The following LPP variants were observed in gnomAD, a reference collection of about 807,000 sequenced individuals.
The protein encoded by LPP is lipoma-preferred partner.
A neutral mutation model predicts 60.4 loss-of-function variants in LPP; 38 were observed. The observed-to-expected ratio is 0.63, with a 90% confidence interval of 0.49 to 0.83. The LOEUF (loss-of-function observed/expected upper bound fraction) is 0.83. LPP is among the 40% of genes least tolerant of loss of function. The pLI is 0.00. For synonymous variants in LPP, 328 were observed against 290.8 expected (o/e 1.13, Z -1.30); for missense variants, 902 against 783.6 (o/e 1.15, Z -1.80).
At chr3:188,683,473 GT>G (rs1216318255) in intron 7 of LPP, among the ~76,000 whole-genome samples, 1 of 152,170 alleles carries the variant, frequency 6.6e-6, no homozygotes, top group African/African-American at 2.4e-5. Context: ...ACAACTGGAA[GT>G]TTCTATTTGC....
At chr3:188,219,227 A>G (rs1197068058) in intron 1 of LPP, among the ~76,000 whole-genome samples, 1 of 152,208 alleles carries the variant, frequency 6.6e-6, no homozygotes, top group Non-Finnish European at 1.5e-5. Context: ...CCCTTGATAA[A>G]AGGAAGTAAG....
chr3:188,715,376 C>CAAAAAAAAAA (rs35761284), intron 8 of LPP, among the ~76,000 whole-genome samples: 4 of 63,682 alleles, frequency 6.3e-5, no homozygotes, highest in Non-Finnish European at 9.5e-5. Context: ...GACTCCGTCT[C>CAAAAAAAAAA]AAAAAAAAAA....
At chr3:188,660,183 G>C (rs138127713) in intron 7 of LPP, among the ~76,000 whole-genome samples, 169 of 152,208 alleles carry the variant, frequency 1.1e-3, no homozygotes, top group African/African-American at 3.9e-3. Flanking sequence ...TGGTTCTCCT[G>C]ATGTGTGAAA....
chr3:188,737,156 T>C (rs1237834245), intron 8 of LPP, among the ~76,000 whole-genome samples: 1 of 152,180 alleles, frequency 6.6e-6, no homozygotes, highest in Non-Finnish European at 1.5e-5. Flanking sequence ...ACATGTGTTA[T>C]TTTCATAAGT....
chr3:188,499,534 G>A (rs1160777477), intron 5 of LPP, among the ~76,000 whole-genome samples: 1 of 152,110 alleles, frequency 6.6e-6, no homozygotes, highest in Non-Finnish European at 1.5e-5. Context: ...TTTGAAATCA[G>A]GAAGTGTCGG....
At position 188,582,670 on chromosome 3, in the gene LPP, G is replaced by A. The variant is rs543494764; in HGVS notation, c.430-26491G>A. 1.5e-4 allele frequency among the ~76,000 whole-genome samples: 23 copies of A among 152,104 alleles called. 1 individual carries two copies. The South Asian group carries it at 2.7e-3, about 18-fold the overall frequency. ...ATTCAATTGTTTCTAACTGCTTATC[G>A]CTCAGGTGCATTTGGATGTATTGCA... On this transcript the variant is annotated intron_variant, in intron 6 of 11. Coordinates refer to ENST00000617246, the MANE Select transcript of LPP (RefSeq NM_001375462.1).
chr3:188,476,885 G>T (rs867394651), intron 4 of LPP, among the ~76,000 whole-genome samples: 1 of 152,172 alleles, frequency 6.6e-6, no homozygotes, highest in African/African-American at 2.4e-5. Flanking sequence ...GTGCTATTTT[G>T]ATGACAATGA....
At chr3:188,626,355 G>C (rs1338233779) in intron 7 of LPP, among the ~76,000 whole-genome samples, 1 of 152,022 alleles carries the variant, frequency 6.6e-6, no homozygotes. Flanking sequence ...CTATGTAAGA[G>C]GATATGTGTA....
intron 6 of LPP, among the ~76,000 whole-genome samples, chr3:188,595,381 C>T (rs765803305): frequency 1.3e-4 from 20 of 152,094 alleles, no homozygotes; most frequent in Non-Finnish European, 2.5e-4. Context: ...GGAATAAGAC[C>T]CAAATGAATG....
chr3:188,328,079 A>G (rs1407346631), intron 2 of LPP, among the ~76,000 whole-genome samples: 1 of 147,636 alleles, frequency 6.8e-6, no homozygotes, highest in East Asian at 1.9e-4. Flanking sequence ...TATGTATTTG[A>G]AAAAGGAAGG....
At chr3:188,303,153 A>C (rs778412357) in intron 2 of LPP, among the ~76,000 whole-genome samples, 4 of 152,206 alleles carry the variant, frequency 2.6e-5, no homozygotes, top group Non-Finnish European at 4.4e-5. Flanking sequence ...GTGGTCCATA[A>C]GGTGTCTGTT....
At chr3:188,199,908 T>C (rs1385687298) in intron 1 of LPP, among the ~76,000 whole-genome samples, 1 of 151,946 alleles carries the variant, frequency 6.6e-6, no homozygotes. Flanking sequence ...AGAGACGGGG[T>C]TTCACCATGT....
At position 188,391,813 on chromosome 3, in the gene LPP, C is replaced by T. The variant is rs1578555980; in HGVS notation, c.-9-14299C>T. 4.6e-5 allele frequency among the ~76,000 whole-genome samples: 7 copies of T among 151,888 alleles called. No homozygotes were observed. The South Asian group carries it at 1.5e-3, about 32-fold the overall frequency. On this transcript the variant is annotated intron_variant, in intron 3 of 11. Coordinates refer to ENST00000617246, the MANE Select transcript of LPP (RefSeq NM_001375462.1). ...CTACTTACTCTTTTTGTCACGGCTG[C>T]TTTTTGACAGCCACCAAGCTGAAGA...
At chr3:188,619,399 A>G (rs1386628034) in intron 7 of LPP, among the ~76,000 whole-genome samples, 1 of 152,218 alleles carries the variant, frequency 6.6e-6, no homozygotes, top group Non-Finnish European at 1.5e-5. Context: ...AGCTACTAGA[A>G]GACAACTGAG....
chr3:188,331,378 A>C (rs989034675), intron 2 of LPP, among the ~76,000 whole-genome samples: 1 of 152,156 alleles, frequency 6.6e-6, no homozygotes, highest in Non-Finnish European at 1.5e-5. Context: ...TGTAGCCTCC[A>C]CTTGAACTTT....
intron 6 of LPP, among the ~76,000 whole-genome samples, chr3:188,545,243 T>G (rs2150430003): frequency 8.6e-6 from 1 of 115,744 alleles, no homozygotes; most frequent in South Asian, 3.0e-4. Context: ...ACCCTAAAAC[T>G]TAAAGTATAA....
chr3:188,384,166 A>G (rs1337319962), intron 3 of LPP, among the ~76,000 whole-genome samples: 2 of 152,212 alleles, frequency 1.3e-5, no homozygotes, highest in Non-Finnish European at 2.9e-5. Context: ...GTATTGTTTT[A>G]TGAAGTGTAA....
chr3:188,834,945 G>A (rs566442952), intron 9 of LPP, among the ~76,000 whole-genome samples: 13 of 152,284 alleles, frequency 8.5e-5, no homozygotes, highest in Admixed American at 5.2e-4. Flanking sequence ...TTTTATAGAT[G>A]AGCTAACTGA....
At chr3:188,394,224 A>G (rs1780366096) in intron 3 of LPP, among the ~76,000 whole-genome samples, 1 of 152,236 alleles carries the variant, frequency 6.6e-6, no homozygotes, top group Non-Finnish European at 1.5e-5. Flanking sequence ...ATTACCTGAA[A>G]TATATAAAGG....
Sources: gnomAD v4.1 joint callset for allele counts (sites outside exome capture counted in the v4.1 genomes callset) on GRCh38, gnomAD v4.1.1 for gene constraint, MANE v1.5 for transcripts, NCBI Gene and HGNC (gene_info 2026-07-23, HGNC 2026-07-21) for gene names.